The following HECW1 variants were observed in gnomAD, a reference collection of about 807,000 sequenced individuals.
HECW1 encodes E3 ubiquitin-protein ligase HECW1.
A neutral mutation model predicts 182.3 loss-of-function variants in HECW1; 61 were observed. The observed-to-expected ratio is 0.33, with a 90% CI of 0.27 to 0.41. The LOEUF is 0.41. Among genes scored for constraint, HECW1 ranks in the 10% least tolerant of loss-of-function variants. The pLI, the probability that HECW1 is intolerant of heterozygous loss-of-function variation, is 1.00. For missense variants in HECW1, 1,739 were observed against 2,108.9 expected, an observed-to-expected ratio of 0.82 and a Z score of 3.44; for synonymous variants, 859 against 832.6, an observed-to-expected ratio of 1.03 and a Z score of -0.55.
At chr7:43,443,130 T>C (rs2076941649) in intron 10 of HECW1, among the ~76,000 whole-genome samples, 1 of 152,228 alleles carries the variant, frequency 6.6e-6, no homozygotes, top group Non-Finnish European at 1.5e-5. Context: ...CATCCAGTGT[T>C]CCATTTAATG....
At chr7:43,445,694 C>T (rs2077033774) in intron 11 of HECW1, 124 bp downstream of exon 11, 3 of 1,201,052 alleles carry the variant, frequency 2.5e-6, no homozygotes, top group Non-Finnish European at 3.4e-6. Flanking sequence ...GCAATGTATG[C>T]CTGTCTTGTA....
chr7:43,270,938 A>G (rs1283341784), intron 3 of HECW1, among the ~76,000 whole-genome samples: 1 of 152,174 alleles, frequency 6.6e-6, no homozygotes, highest in African/African-American at 2.4e-5. Context: ...AAACCATAAA[A>G]TTTCACTAAA....
intron 3 of HECW1, among the ~76,000 whole-genome samples, chr7:43,288,192 A>T (rs1804904170): frequency 6.6e-6 from 1 of 152,182 alleles, no homozygotes; most frequent in Non-Finnish European, 1.5e-5. Context: ...ACCAGGACTG[A>T]ACTTTCTCAA....
chr7:43,247,961 GAAAA>G (rs1431457976), intron 3 of HECW1, among the ~76,000 whole-genome samples: 3 of 121,592 alleles, frequency 2.5e-5, no homozygotes, highest in Non-Finnish European at 4.9e-5. Flanking sequence ...GGGAAGGAAA[GAAAA>G]AGAGAAAGGA....
chr7:43,481,974 CAAA>C (rs767419071), intron 17 of HECW1, among the ~76,000 whole-genome samples: 246 of 81,762 alleles, frequency 3.0e-3, no homozygotes, highest in Non-Finnish European at 4.2e-3. Flanking sequence ...GACTCCATCT[CAAA>C]AAAAAAAAAA....
intron 2 of HECW1, among the ~76,000 whole-genome samples, chr7:43,179,143 AAGGCAC>A (rs1374922915): frequency 6.6e-6 from 1 of 152,228 alleles, no homozygotes; most frequent in Non-Finnish European, 1.5e-5. Flanking sequence ...TGACACTCAA[AAGGCAC>A]AGGTTCTTGC....
intron 4 of HECW1, among the ~76,000 whole-genome samples, chr7:43,319,605 T>TC (rs1250452716): frequency 3.9e-5 from 4 of 101,312 alleles, no homozygotes; most frequent in South Asian, 3.9e-4. Context: ...TCTTTTCTTT[T>TC]TTTTTTTTTT....
intron 4 of HECW1, among the ~76,000 whole-genome samples, chr7:43,312,680 T>C (rs1808678343): frequency 6.6e-6 from 1 of 152,240 alleles, no homozygotes; most frequent in Admixed American, 6.5e-5. Flanking sequence ...TTTTCTCAGG[T>C]CTTTGCAAAC....
chr7:43,424,426 C>G (rs2076290451), intron 8 of HECW1, among the ~76,000 whole-genome samples: 1 of 152,122 alleles, frequency 6.6e-6, no homozygotes. Context: ...TCAAGACCAG[C>G]CTAGGCAACA....
chr7:43,560,192 C>T (rs958533759), intron 29 of HECW1, among the ~76,000 whole-genome samples: 1 of 152,176 alleles, frequency 6.6e-6, no homozygotes, highest in African/African-American at 2.4e-5. Flanking sequence ...AGTTTCATTG[C>T]AATCTTTTTA....
At chr7:43,425,223 A>G (rs2076318432) in intron 8 of HECW1, among the ~76,000 whole-genome samples, 1 of 122,624 alleles carries the variant, frequency 8.2e-6, no homozygotes, top group African/African-American at 2.7e-5. Flanking sequence ...TTACCAAGAC[A>G]CTCACACACA....
At chr7:43,261,869 AT>A (rs199955461) in intron 3 of HECW1, among the ~76,000 whole-genome samples, 1 of 151,192 alleles carries the variant, frequency 6.6e-6, no homozygotes, top group Non-Finnish European at 1.5e-5. Context: ...TTTATTTTTT[AT>A]TTTTTTTAAT....
At chr7:43,457,409 T>C (rs976638753) in intron 13 of HECW1, among the ~76,000 whole-genome samples, 7 of 152,152 alleles carry the variant, frequency 4.6e-5, no homozygotes, top group Non-Finnish European at 7.3e-5. Flanking sequence ...CACCTACTGA[T>C]AGCAAATGCC....
chr7:43,274,721 T>C, intron 3 of HECW1: 1 of 252,632 alleles, frequency 4.0e-6, no homozygotes, highest in Non-Finnish European at 7.8e-6. Flanking sequence ...TATCTCTCCA[T>C]TTATTGTTTT....
At chr7:43,463,311 C>T (rs1460964881) in intron 13 of HECW1, among the ~76,000 whole-genome samples, 1 of 152,152 alleles carries the variant, frequency 6.6e-6, no homozygotes, top group East Asian at 1.9e-4. Flanking sequence ...AATTTGATAT[C>T]TTAGTTGTAG....
chr7:43,545,120 A>T (rs1464889315), intron 26 of HECW1, among the ~76,000 whole-genome samples: 1 of 152,150 alleles, frequency 6.6e-6, no homozygotes, highest in East Asian at 1.9e-4. Flanking sequence ...AAGGTGATAT[A>T]TATACATTCC....
At chr7:43,387,129 C>T (rs2074831884) in intron 6 of HECW1, among the ~76,000 whole-genome samples, 1 of 152,164 alleles carries the variant, frequency 6.6e-6, no homozygotes, top group Admixed American at 6.5e-5. Context: ...TGTCATGAAA[C>T]CATCAGCCCT....
intron 8 of HECW1, 136 bp from the exon 9 acceptor site, chr7:43,437,867 C>T (rs1342119602): frequency 1.1e-6 from 1 of 871,986 alleles, no homozygotes; most frequent in Non-Finnish European, 1.8e-6. Flanking sequence ...AGGTTCACAA[C>T]ATTTCTGAGA....
intron 3 of HECW1, among the ~76,000 whole-genome samples, chr7:43,294,604 T>G (rs1041692462): frequency 6.6e-6 from 1 of 152,202 alleles, no homozygotes; most frequent in Non-Finnish European, 1.5e-5. Context: ...GCTTCCAGTT[T>G]TGTGGCTGTA....
Sources: allele counts gnomAD v4.1 joint callset (sites outside exome capture counted in the v4.1 genomes callset), GRCh38; gene constraint gnomAD v4.1.1; transcripts MANE v1.5; gene names NCBI Gene and HGNC (gene_info 2026-07-23, HGNC 2026-07-21).